KLF17: variants seen among roughly 807,000 people sequenced by gnomAD.
KLF17 encodes the protein Krueppel-like factor 17.
A neutral mutation model predicts 34.2 loss-of-function variants in KLF17; 31 were observed. The observed-to-expected ratio is 0.91, with a 90% CI of 0.68 to 1.22. KLF17 has a LOEUF of 1.22. KLF17 is among the 50% of genes most tolerant of loss of function. The probability of loss-of-function intolerance (pLI) is 0.00; values close to 1 mark genes in which losing one functional copy is unlikely to be tolerated. For missense variants in KLF17, 478 were observed against 505.2 expected (o/e 0.95, Z 0.52); for synonymous variants, 179 against 186.7 (o/e 0.96, Z 0.34).
the KLF17 span, among the ~76,000 whole-genome samples, chr1:44,080,462 T>A: frequency 2.0e-5 from 3 of 147,430 alleles, no homozygotes; most frequent in East Asian, 6.2e-4. Context: ...ATGGTCTCCA[T>A]CTCCTGACCT....
At chr1:44,120,367 C>G (rs950930255) in intron 1 of KLF17, among the ~76,000 whole-genome samples, 2 of 152,090 alleles carry the variant, frequency 1.3e-5, no homozygotes, top group African/African-American at 4.8e-5. Context: ...CCAGAGAGAG[C>G]AGGGAAAGGG....
chr1:44,070,096 A>C, the KLF17 span, among the ~76,000 whole-genome samples: 1 of 152,100 alleles, frequency 6.6e-6, no homozygotes, highest in East Asian at 1.9e-4. Flanking sequence ...TAAGTCAATT[A>C]GTTCTTGTCT....
chr1:44,082,982 C>T, the KLF17 span, among the ~76,000 whole-genome samples: 1 of 148,642 alleles, frequency 6.7e-6, no homozygotes, highest in Non-Finnish European at 1.5e-5. Context: ...CACTCTATTG[C>T]CCAGGTTGGA....
chr1:44,103,357 T>C, the KLF17 span: 1 of 747,066 alleles, frequency 1.3e-6, no homozygotes, highest in Non-Finnish European at 2.4e-6. Flanking sequence ...GACACCGGCT[T>C]CCCGTTGCAG....
Position 44,130,646 on chromosome 1 carries a change from A to C in KLF17, c.1060A>C (p.Arg354=), listed in dbSNP as rs145948433. The C allele has an allele frequency of 4.8e-5, 77 of 1,614,148 alleles. No individual in the cohort carries two copies. The African/African-American group carries it at 9.5e-4, about 20-fold the overall frequency. ...TGATCAGTGCAGCCGGGAGTTCATG[A>C]GGTCTGACCATCTCAAGCAACACCA... ...KCDQCSREFM[R]SDHLKQHQKT... The change falls in exon 3 of 4, where the codon AGG becomes CGG. Residue 354 remains arginine, a synonymous_variant. Transcript: ENST00000372299.
At chr1:44,116,921 ATTC>A (rs1175110611), upstream of KLF17, among the ~76,000 whole-genome samples, 1 of 152,152 alleles carries the variant, frequency 6.6e-6, no homozygotes, top group African/African-American at 2.4e-5. Context: ...CTAAAATGGA[ATTC>A]TTGTTTCAGT....
the KLF17 span, among the ~76,000 whole-genome samples, chr1:44,101,133 C>T: frequency 3.3e-5 from 5 of 152,120 alleles, no homozygotes; most frequent in Non-Finnish European, 7.3e-5. Context: ...TTCCCATGTA[C>T]CCTCACTCAG....
rs1186210887 is a variant in KLF17 at position 44,130,570 on chromosome 1, T to A, written c.984T>A (p.Asp328Glu). 1.2e-6 allele frequency: 2 copies of A among 1,614,054 alleles called. No homozygotes were observed. Among genetic ancestry groups the A allele is most frequent in the Non-Finnish European group, 1.7e-6 (2 of 1,180,042 alleles). ...ESCSWSFFRS[D>E]ELRRHMRVHT... Reference sequence around the variant, plus strand: ...GTTCATGGTCTTTCTTCCGTTCTGATGAGCTTAGACGACATATGCGGGTAC... The same window carrying A: ...GTTCATGGTCTTTCTTCCGTTCTGAAGAGCTTAGACGACATATGCGGGTAC... Residue 328 changes from aspartate to glutamate, a missense_variant, in exon 3 of 4, where the codon GAT becomes GAA. Physicochemically the swap from Asp to Glu is conservative, Grantham distance 45. Coordinates refer to ENST00000372299, the MANE Select transcript of KLF17 (RefSeq NM_173484.4).
chr1:44,089,530 T>G, the KLF17 span, among the ~76,000 whole-genome samples: 1 of 152,184 alleles, frequency 6.6e-6, no homozygotes, highest in African/African-American at 2.4e-5. Flanking sequence ...CTGAAATAGC[T>G]GACAGTTGGA....
the KLF17 span, among the ~76,000 whole-genome samples, chr1:44,091,999 T>G: frequency 8.3e-6 from 1 of 120,542 alleles, no homozygotes; most frequent in African/African-American, 3.3e-5. Context: ...TCTGCCCACT[T>G]CCCTCCCCCA....
chr1:44,074,190 C>T, the KLF17 span, among the ~76,000 whole-genome samples: 1 of 152,144 alleles, frequency 6.6e-6, no homozygotes, highest in Non-Finnish European at 1.5e-5. Context: ...CTGTCATCCT[C>T]ATCATGCCCC....
the KLF17 span, among the ~76,000 whole-genome samples, chr1:44,073,685 T>A: frequency 2.0e-5 from 3 of 152,166 alleles, no homozygotes; most frequent in South Asian, 6.2e-4. Context: ...TGGCCCTGGC[T>A]GGGAGGGACC....
At chr1:44,064,578 T>C in the KLF17 span, among the ~76,000 whole-genome samples, 4 of 152,368 alleles carry the variant, frequency 2.6e-5, no homozygotes, top group East Asian at 5.8e-4. Context: ...TTGGTATCAT[T>C]TGTGACATCC....
intron 1 of KLF17, among the ~76,000 whole-genome samples, chr1:44,124,975 T>A (rs1371268999): frequency 6.6e-6 from 1 of 152,244 alleles, no homozygotes; most frequent in Non-Finnish European, 1.5e-5. Flanking sequence ...CTAAATTACA[T>A]TTTTATGCAT....
chr1:44,050,550 A>G, the KLF17 span, among the ~76,000 whole-genome samples: 1 of 152,216 alleles, frequency 6.6e-6, no homozygotes. Context: ...TACTCTCTAC[A>G]CACTGCCTAT....
chr1:44,091,480 A>T, the KLF17 span, among the ~76,000 whole-genome samples: 1 of 151,870 alleles, frequency 6.6e-6, no homozygotes, highest in African/African-American at 2.4e-5. Flanking sequence ...ACCTGGTGAG[A>T]CCCTGTTTCT....
Position 44,118,868 on chromosome 1 carries a change from C to T in KLF17, c.-40C>T. 1 of 1,521,894 alleles carries T rather than the reference C, an allele frequency of 6.6e-7. No homozygotes were observed. The highest frequency in any genetic ancestry group is 8.9e-7 in the Non-Finnish European group (1 of 1,124,854). 94.3% of individuals were successfully genotyped at this position (1,521,894 alleles called of 1,614,324 possible). A position where few individuals can be genotyped will look rare whatever the true frequency, so the allele number is the denominator to read the frequency against. On this transcript the variant is annotated 5_prime_UTR_variant, in exon 1 of 4. Transcript: ENST00000372299. ...CTGCGACGCCGTGGTGGCTGGTTCC[C>T]TGTCTCTTCAGTAGAGAGTCTAGAC...
chr1:44,056,759 G>T, the KLF17 span, among the ~76,000 whole-genome samples: 3 of 152,142 alleles, frequency 2.0e-5, no homozygotes, highest in African/African-American at 7.2e-5. Flanking sequence ...GCAAGCTGTG[G>T]CCACCACTGC....
At chr1:44,119,024 G>A in intron 1 of KLF17, 36 bp downstream of exon 1, 1 of 1,562,548 alleles carries the variant, frequency 6.4e-7, no homozygotes. Context: ...GGCCGGGCGG[G>A]CCCAGGCTAG....
Sources: gnomAD v4.1 joint callset for allele counts (sites outside exome capture counted in the v4.1 genomes callset) on GRCh38, gnomAD v4.1.1 for gene constraint, MANE v1.5 for transcripts, NCBI Gene and HGNC (gene_info 2026-07-23, HGNC 2026-07-21) for gene names.